DSCAM: variants seen among roughly 807,000 people sequenced by gnomAD.
DSCAM encodes the protein cell adhesion molecule DSCAM.
Under a neutral mutation model 217.7 loss-of-function variants are expected in DSCAM, and 47 were observed. The observed-to-expected ratio is 0.22, with a 90% confidence interval of 0.17 to 0.28. The LOEUF (loss-of-function observed/expected upper bound fraction) is 0.28. Ranked by LOEUF, DSCAM falls within the 10% of genes least tolerant of loss-of-function variation. The probability of loss-of-function intolerance (pLI) is 1.00; values close to 1 mark genes in which losing one functional copy is unlikely to be tolerated. For synonymous variants in DSCAM, 1,056 were observed against 1,015.3 expected, an observed-to-expected ratio of 1.04 and a Z score of -0.76; for missense variants, 2,080 against 2,618.3, an observed-to-expected ratio of 0.79 and a Z score of 4.49.
intron 3 of DSCAM, among the ~76,000 whole-genome samples, chr21:40,376,910 T>C (rs1601597971): frequency 3.3e-5 from 5 of 152,090 alleles, no homozygotes; most frequent in Admixed American, 3.3e-4. Flanking sequence ...CTCAAAAATT[T>C]ATGTTAATGT....
chr21:40,066,657 C>A (rs900548947), intron 27 of DSCAM, among the ~76,000 whole-genome samples: 3 of 152,188 alleles, frequency 2.0e-5, no homozygotes, highest in African/African-American at 7.2e-5. Context: ...TAAACTGTAT[C>A]TTCTTGCTTC....
chr21:40,422,080 G>A (rs2075430020), intron 3 of DSCAM, among the ~76,000 whole-genome samples: 1 of 152,182 alleles, frequency 6.6e-6, no homozygotes, highest in African/African-American at 2.4e-5. Flanking sequence ...CATATCCACT[G>A]ATGCATGTCC....
chr21:40,190,958 T>G (rs1240371436), intron 11 of DSCAM, among the ~76,000 whole-genome samples: 2 of 152,214 alleles, frequency 1.3e-5, no homozygotes, highest in East Asian at 3.8e-4. Context: ...ACTAGAAAGG[T>G]TTGAAAATTC....
chr21:40,539,938 T>G (rs1308114865), intron 3 of DSCAM, among the ~76,000 whole-genome samples: 2 of 152,222 alleles, frequency 1.3e-5, no homozygotes, highest in African/African-American at 4.8e-5. Flanking sequence ...TTTTCCTAGA[T>G]GCTATGGAAA....
At chr21:40,369,583 A>AT (rs1451992927) in intron 3 of DSCAM, among the ~76,000 whole-genome samples, 1 of 152,166 alleles carries the variant, frequency 6.6e-6, no homozygotes, top group Non-Finnish European at 1.5e-5. Flanking sequence ...TATAATTGGT[A>AT]TATACCGAAC....
intron 19 of DSCAM, among the ~76,000 whole-genome samples, chr21:40,133,058 T>A (rs1233673024): frequency 6.6e-6 from 1 of 152,194 alleles, no homozygotes. Context: ...CTGGAATATT[T>A]TGGGAAGGTT....
chr21:40,173,506 G>C (rs2090681746), intron 15 of DSCAM, among the ~76,000 whole-genome samples: 2 of 152,150 alleles, frequency 1.3e-5, no homozygotes, highest in South Asian at 4.1e-4. Flanking sequence ...AATCTACAGA[G>C]GCAGATCGCT....
At chr21:40,197,043 G>A (rs2091017952) in intron 11 of DSCAM, among the ~76,000 whole-genome samples, 1 of 152,272 alleles carries the variant, frequency 6.6e-6, no homozygotes, top group African/African-American at 2.4e-5. Context: ...CAAAAATAAA[G>A]ATTAGAATAT....
chr21:40,560,151 T>C (rs2837706), intron 3 of DSCAM, among the ~76,000 whole-genome samples: 16,841 of 152,176 alleles, frequency 0.11, 1,149 homozygotes, highest in East Asian at 0.3. Context: ...GATTGCTCTT[T>C]CTACACTAAA....
At chr21:40,759,813 T>C (rs2146581007) in intron 1 of DSCAM, among the ~76,000 whole-genome samples, 1 of 152,200 alleles carries the variant, frequency 6.6e-6, no homozygotes, top group Non-Finnish European at 1.5e-5. Context: ...CTCCTTTTCC[T>C]TCCTCACTGC....
At chr21:40,295,460 T>C (rs2073943698) in intron 10 of DSCAM, among the ~76,000 whole-genome samples, 1 of 152,150 alleles carries the variant, frequency 6.6e-6, no homozygotes, top group Admixed American at 6.5e-5. Context: ...GAGCTACTGT[T>C]CTGCATTAGA....
intron 3 of DSCAM, among the ~76,000 whole-genome samples, chr21:40,375,616 T>C (rs1434895804): frequency 1.3e-5 from 2 of 152,250 alleles, no homozygotes; most frequent in African/African-American, 2.4e-5. Context: ...CGTTATCTTG[T>C]ACATGTGCAT....
At chr21:40,537,482 A>G (rs1222531544) in intron 3 of DSCAM, among the ~76,000 whole-genome samples, 2 of 152,196 alleles carry the variant, frequency 1.3e-5, no homozygotes, top group Non-Finnish European at 2.9e-5. Context: ...TATAGGAATT[A>G]TATTCCCCAC....
chr21:40,261,113 C>T (rs547187435), intron 11 of DSCAM, among the ~76,000 whole-genome samples: 10 of 152,322 alleles, frequency 6.6e-5, no homozygotes, highest in Admixed American at 3.3e-4. Flanking sequence ...TTTTGTCTAA[C>T]GTGACTGACC....
At chr21:40,437,301 G>C (rs2075591863) in intron 3 of DSCAM, among the ~76,000 whole-genome samples, 1 of 152,110 alleles carries the variant, frequency 6.6e-6, no homozygotes, top group East Asian at 1.9e-4. Context: ...AATCACAAGG[G>C]GGATTCAAGA....
At chr21:40,348,297 C>A (rs57527671) in intron 5 of DSCAM, among the ~76,000 whole-genome samples, 11,823 of 130,044 alleles carry the variant, frequency 0.091, no homozygotes, top group Admixed American at 0.11. Context: ...CCAGAGAGTT[C>A]CTATCAGCCA....
rs566355137 is a variant in DSCAM at position 40,193,472 on chromosome 21, A to G, written c.2357-4234T>C. On this transcript the variant is annotated intron_variant, in intron 11 of 32. Coordinates refer to ENST00000400454, the MANE Select transcript of DSCAM (RefSeq NM_001389.5). ...ATGAACAAGAAAATATTTACTCCTC[A>G]TTCTTTCTCTCACGACTGGGGAATG... Among the ~76,000 whole-genome samples the G allele has an allele frequency of 6.6e-5, 10 of 152,312 alleles. No individual in the cohort carries two copies. The South Asian group carries it at 1.4e-3, about 22-fold the overall frequency.
rs2089370326 is a variant in DSCAM, at chr21:40,076,660, T to C, written c.4712-1447A>G. Among the ~76,000 whole-genome samples the C allele has an allele frequency of 2.6e-5, 4 of 152,352 alleles. No individual in the cohort carries two copies. The Middle Eastern group carries it at 0.01, about 389-fold the overall frequency. ...TATATCTTTTCTTAGAAGACAAACA[T>C]TTAAAATCCGCAGAACACTTTGTGA... On this transcript the variant is annotated intron_variant, in intron 26 of 32. Coordinates refer to ENST00000400454, the MANE Select transcript of DSCAM (RefSeq NM_001389.5).
rs1358102369 is a variant in DSCAM, at chr21:40,662,156, CTG to C, written c.508+30652_508+30653del. On this transcript the variant is annotated intron_variant, in intron 3 of 32. Transcript: ENST00000400454. ...CAAACAAACAAACAAAAACACAACA[CTG>C]TGAAAAGACAGAAGCACTAGAATTT... Among the ~76,000 whole-genome samples the C allele has an allele frequency of 5.3e-5, 8 of 152,170 alleles. No individual in the cohort carries two copies. The East Asian group carries it at 1.2e-3, about 22-fold the overall frequency.
Sources: gnomAD v4.1 joint callset for allele counts (sites outside exome capture counted in the v4.1 genomes callset) on GRCh38, gnomAD v4.1.1 for gene constraint, MANE v1.5 for transcripts, NCBI Gene and HGNC (gene_info 2026-07-23, HGNC 2026-07-21) for gene names.